The following SLC24A2 variants were observed in gnomAD, a reference collection of about 807,000 sequenced individuals.
SLC24A2 encodes the protein sodium/potassium/calcium exchanger 2.
A neutral mutation model predicts 62.0 loss-of-function variants in SLC24A2; 36 were observed. The ratio of observed to expected loss-of-function variants is 0.58; its 90% CI spans 0.44 to 0.77. The LOEUF (loss-of-function observed/expected upper bound fraction) is 0.77, where lower values mean the gene tolerates loss of function less well. SLC24A2 is among the 30% of genes least tolerant of loss of function. The pLI is 0.00. For synonymous variants in SLC24A2, 358 were observed against 294.0 expected (o/e 1.22, Z -2.23); for missense variants, 846 against 817.9 (o/e 1.03, Z -0.42).
At chr9:20,285,807 C>A in the SLC24A2 span, among the ~76,000 whole-genome samples, 1 of 152,098 alleles carries the variant, frequency 6.6e-6, no homozygotes. Flanking sequence ...GAAGGGGAGA[C>A]TGGGACACAC....
chr9:19,644,120 T>C (rs577175316), intron 2 of SLC24A2, among the ~76,000 whole-genome samples: 47 of 152,310 alleles, frequency 3.1e-4, no homozygotes, highest in African/African-American at 9.6e-4. Context: ...GCATCTCCCA[T>C]TGAAAGGAAA....
the SLC24A2 span, among the ~76,000 whole-genome samples, chr9:19,949,583 G>A: frequency 6.6e-6 from 1 of 152,190 alleles, no homozygotes; most frequent in East Asian, 1.9e-4. Context: ...CTGAGTGGCT[G>A]TCCAGTGGAG....
chr9:19,913,539 C>A, the SLC24A2 span, among the ~76,000 whole-genome samples: 7 of 152,052 alleles, frequency 4.6e-5, no homozygotes, highest in African/African-American at 1.7e-4. Flanking sequence ...GAGATTAGGG[C>A]AGACATGCAA....
chr9:19,543,391 A>AT (rs145894518), intron 8 of SLC24A2, among the ~76,000 whole-genome samples: 87,861 of 145,034 alleles, frequency 0.61, 29,915 homozygotes, highest in South Asian at 0.81. Context: ...GGATTCATTG[A>AT]TTTTTTTTTT....
At chr9:19,532,636 G>A (rs1228991536) in intron 8 of SLC24A2, among the ~76,000 whole-genome samples, 1 of 152,194 alleles carries the variant, frequency 6.6e-6, no homozygotes, top group Non-Finnish European at 1.5e-5. Context: ...AAGTGAACAT[G>A]ACTGTGAAGA....
At chr9:20,124,308 A>T in the SLC24A2 span, among the ~76,000 whole-genome samples, 1 of 118,640 alleles carries the variant, frequency 8.4e-6, no homozygotes, top group South Asian at 3.7e-4. Flanking sequence ...CAAAAGCTTA[A>T]AAAAAAAAAA....
the SLC24A2 span, among the ~76,000 whole-genome samples, chr9:20,058,780 C>CGT: frequency 6.6e-6 from 1 of 152,218 alleles, no homozygotes; most frequent in African/African-American, 2.4e-5. Flanking sequence ...AAAACACATA[C>CGT]ACATGCATAC....
At chr9:19,860,080 G>A in the SLC24A2 span, among the ~76,000 whole-genome samples, 2 of 152,128 alleles carry the variant, frequency 1.3e-5, no homozygotes, top group Admixed American at 6.6e-5. Flanking sequence ...ACAATGGACT[G>A]GGGGAGCATG....
chr9:19,690,065 C>T (rs1819999596), intron 2 of SLC24A2, among the ~76,000 whole-genome samples: 1 of 152,126 alleles, frequency 6.6e-6, no homozygotes, highest in Admixed American at 6.6e-5. Flanking sequence ...TCTGGCTCTA[C>T]AGCTTGTAGA....
At chr9:19,575,645 A>T (rs1835988213) in intron 6 of SLC24A2, among the ~76,000 whole-genome samples, 1 of 152,246 alleles carries the variant, frequency 6.6e-6, no homozygotes, top group African/African-American at 2.4e-5. Flanking sequence ...TGAGAGCCCC[A>T]ATAACATTAG....
intron 2 of SLC24A2, among the ~76,000 whole-genome samples, chr9:19,752,794 T>C (rs558774367): frequency 6.6e-6 from 1 of 152,246 alleles, no homozygotes; most frequent in South Asian, 2.1e-4. Flanking sequence ...CCCATGCCCA[T>C]ACTACAGATG....
At chr9:20,287,012 C>A in the SLC24A2 span, among the ~76,000 whole-genome samples, 2 of 152,156 alleles carry the variant, frequency 1.3e-5, no homozygotes, top group Admixed American at 6.5e-5. Context: ...GACCCTACCC[C>A]AGGGCTTTGG....
At chr9:20,160,535 T>C in the SLC24A2 span, among the ~76,000 whole-genome samples, 3 of 151,444 alleles carry the variant, frequency 2.0e-5, no homozygotes, top group Non-Finnish European at 4.4e-5. Flanking sequence ...TATGGTAGTT[T>C]ATAAAGTATC....
Position 19,671,488 on chromosome 9 carries a change from T to A in SLC24A2, c.931-49189A>T, listed in dbSNP as rs191484936. 9.2e-5 allele frequency among the ~76,000 whole-genome samples: 14 copies of A among 152,254 alleles called. 1 individual carries two copies. The East Asian group carries it at 2.3e-3, about 25-fold the overall frequency. On this transcript the variant is annotated intron_variant, in intron 2 of 10. Transcript: ENST00000341998. ...TGAGGGTTCTCTAGGTATATGATCA[T>A]ATCATTGGCAAACAGCAACAGTTTG... is the stretch of plus-strand genomic sequence containing the variant.
intron 2 of SLC24A2, among the ~76,000 whole-genome samples, chr9:19,781,832 TTGAGGCAACACA>T (rs897703427): frequency 6.6e-5 from 10 of 152,352 alleles, no homozygotes; most frequent in African/African-American, 2.2e-4. Flanking sequence ...TTAAGCAAAG[TTGAGGCAACACA>T]TGTATACTTA....
At chr9:19,835,344 A>G in the SLC24A2 span, among the ~76,000 whole-genome samples, 2 of 152,230 alleles carry the variant, frequency 1.3e-5, no homozygotes, top group Non-Finnish European at 2.9e-5. Context: ...ACACATGCAG[A>G]GACACACATA....
chr9:19,701,187 A>G (rs1007718695), intron 2 of SLC24A2, among the ~76,000 whole-genome samples: 1 of 152,212 alleles, frequency 6.6e-6, no homozygotes, highest in African/African-American at 2.4e-5. Context: ...GTGCTAGTAG[A>G]TTGATCGAAG....
At chr9:19,701,267 T>C (rs1820348920) in intron 2 of SLC24A2, among the ~76,000 whole-genome samples, 1 of 152,354 alleles carries the variant, frequency 6.6e-6, no homozygotes, top group Middle Eastern at 3.4e-3. Context: ...AGACATATTG[T>C]AGCGGAATCC....
chr9:19,965,463 A>G, the SLC24A2 span, among the ~76,000 whole-genome samples: 1 of 152,184 alleles, frequency 6.6e-6, no homozygotes, highest in Non-Finnish European at 1.5e-5. Context: ...AACAACTTGC[A>G]CTATCATACT....
Sources: gnomAD v4.1 joint callset for allele counts (sites outside exome capture counted in the v4.1 genomes callset) on GRCh38, gnomAD v4.1.1 for gene constraint, MANE v1.5 for transcripts, NCBI Gene and HGNC (gene_info 2026-07-23, HGNC 2026-07-21) for gene names.